The following EML5 variants were observed in gnomAD, a reference collection of about 807,000 sequenced individuals.
EML5 encodes EMAP like 5, also known as echinoderm microtubule-associated protein-like 5.
Under a neutral mutation model 250.0 loss-of-function variants are expected in EML5, and 120 were observed. The ratio of observed to expected loss-of-function variants is 0.48; its 90% confidence interval spans 0.41 to 0.56. EML5 has a LOEUF of 0.56. Ranked by LOEUF, EML5 falls within the 20% of genes least tolerant of loss-of-function variation. The pLI is 0.00. For missense variants in EML5, 2,006 were observed against 2,437.6 expected (o/e 0.82, Z 3.73); for synonymous variants, 771 against 806.5 (o/e 0.96, Z 0.75).
chr14:88,647,289 A>C (rs978111350), intron 28 of EML5, among the ~76,000 whole-genome samples: 1 of 152,036 alleles, frequency 6.6e-6, no homozygotes, highest in Non-Finnish European at 1.5e-5. Flanking sequence ...GCTTGAACCC[A>C]GGAAACGGAG....
chr14:88,726,513 A>G (rs758282629), intron 8 of EML5, 28 bp downstream of exon 8: 2 of 1,567,088 alleles, frequency 1.3e-6, no homozygotes, highest in Non-Finnish European at 1.7e-6. Flanking sequence ...AGATAAAATT[A>G]TTATGTGTTT....
intron 36 of EML5, chr14:88,622,919 GTGAA>G (rs1390291612): frequency 2.5e-6 from 1 of 404,452 alleles, no homozygotes. Flanking sequence ...TCCAGTTTCA[GTGAA>G]TTTTATTTTG....
intron 3 of EML5, among the ~76,000 whole-genome samples, chr14:88,744,363 G>T (rs2093973870): frequency 6.6e-6 from 1 of 151,788 alleles, no homozygotes. Flanking sequence ...AAAAAATTTG[G>T]TCCATAAATA....
At chr14:88,670,162 A>C (rs10438034) in intron 21 of EML5, among the ~76,000 whole-genome samples, 25,624 of 151,420 alleles carry the variant, frequency 0.17, 2,874 homozygotes, top group African/African-American at 0.31. Flanking sequence ...TAAAAAAAAA[A>C]CAAAAAAAAT....
At chr14:88,765,136 A>G (rs1350618565) in intron 1 of EML5, among the ~76,000 whole-genome samples, 1 of 148,240 alleles carries the variant, frequency 6.7e-6, no homozygotes, top group East Asian at 2.0e-4. Flanking sequence ...AATTACCATA[A>G]ATTTAGCACC....
At chr14:88,701,408 T>C (rs2093206304) in intron 14 of EML5, among the ~76,000 whole-genome samples, 1 of 152,186 alleles carries the variant, frequency 6.6e-6, no homozygotes. Context: ...GTATCACAAC[T>C]CAGAATGTGA....
At chr14:88,760,603 C>T (rs1291865492) in intron 1 of EML5, among the ~76,000 whole-genome samples, 1 of 152,116 alleles carries the variant, frequency 6.6e-6, no homozygotes, top group Non-Finnish European at 1.5e-5. Flanking sequence ...ACTGTGAGTC[C>T]TCTACCTTTG....
intron 8 of EML5, among the ~76,000 whole-genome samples, chr14:88,717,293 G>A (rs2093512643): frequency 6.6e-6 from 1 of 152,184 alleles, no homozygotes; most frequent in African/African-American, 2.4e-5. Flanking sequence ...GCTTGTGACG[G>A]CCACTGTAGT....
At chr14:88,654,412 A>AT (rs1199470326) in intron 27 of EML5, among the ~76,000 whole-genome samples, 1 of 152,126 alleles carries the variant, frequency 6.6e-6, no homozygotes, top group Non-Finnish European at 1.5e-5. Flanking sequence ...TCCTGTGGGC[A>AT]TTTAGTGCTA....
In EML5 at chr14:88,616,749, CAAAT is replaced by C; in HGVS notation, c.5769_5772del (p.Phe1924ThrfsTer21). 6.2e-7 allele frequency: 1 copy of C among 1,613,398 alleles called. No individual in the cohort carries two copies. On this transcript the variant is annotated frameshift_variant, in exon 42 of 44. Transcript: ENST00000554922. LOFTEE classifies it high-confidence loss of function. ...ACAAATTTTTCTGGACATGGGAAGT[CAAAT>C]AACTTAACCATGCCAAAGTCATCTC...
intron 40 of EML5, 28 bp downstream of exon 40, chr14:88,618,621 CA>C (rs1367794877): frequency 6.3e-7 from 1 of 1,582,922 alleles, no homozygotes; most frequent in Non-Finnish European, 8.6e-7. Context: ...AAGAACTTGC[CA>C]CCTGGGTATA....
chr14:88,787,673 T>C (rs2094564973), intron 1 of EML5, among the ~76,000 whole-genome samples: 1 of 152,228 alleles, frequency 6.6e-6, no homozygotes, highest in Admixed American at 6.5e-5. Context: ...CATAAATATT[T>C]TGATATTGCA....
chr14:88,704,923 C>T lies in EML5; in HGVS notation c.1988G>A (p.Ser663Asn). ...LKEQCKEKQK[S>N]ATSKRRERAP... Reference sequence around the variant, plus strand: ...CCGCTCTCTTCTTTTAGAAGTAGCACTTTTTTGTTTCTCTTTGCACTGTTC... The same window carrying T: ...CCGCTCTCTTCTTTTAGAAGTAGCATTTTTTTGTTTCTCTTTGCACTGTTC... Residue 663 changes from serine (S) to asparagine (N), a missense_variant, in exon 13 of 44, where the codon AGT becomes AAT. By Grantham distance (46) the Ser-to-Asn change is conservative. Transcript: ENST00000554922. The T allele has an allele frequency of 6.2e-7, 1 of 1,613,100 alleles. No individual in the cohort carries two copies. Among genetic ancestry groups the T allele is most frequent in the Middle Eastern group, 1.7e-4 (1 of 6,050 alleles).
At chr14:88,622,815 T>TTA (rs1555417183) in intron 36 of EML5, 97 bp from the exon 37 acceptor site, 39 of 742,780 alleles carry the variant, frequency 5.3e-5, no homozygotes, top group Non-Finnish European at 7.3e-5. Context: ...CTTTTTTTTT[T>TTA]AAAAAGGCCC....
Position 88,792,312 on chromosome 14 carries a change from G to T in EML5, c.192C>A (p.Ile64=). Residue 64 remains isoleucine, a synonymous_variant, in exon 1 of 44, where the codon ATC becomes ATA. Transcript: ENST00000554922. This position sits in a 1 kb window ranked among gnomAD's most constrained non-coding sequence, Gnocchi z 6.9. ...CGGCCCCCGCTCCCCGGTACCTGAT[G>T]ATGTCGTCGCTGTGGCCCCGGTAGA... ...QKFYRGHSDD[I]ISLALHPERV... 6.4e-7 allele frequency: 1 copy of T among 1,556,168 alleles called. No individual in the cohort carries two copies. Among genetic ancestry groups the T allele is most frequent in the Non-Finnish European group, 8.7e-7 (1 of 1,152,154 alleles).
chr14:88,779,180 AGGTTTTG>A (rs1180888217), intron 1 of EML5, among the ~76,000 whole-genome samples: 5 of 151,672 alleles, frequency 3.3e-5, no homozygotes, highest in African/African-American at 1.2e-4. Flanking sequence ...TAAGCAATCC[AGGTTTTG>A]GGGATATTTG....
intron 9 of EML5, among the ~76,000 whole-genome samples, chr14:88,713,847 T>G (rs1417341263): frequency 1.3e-5 from 2 of 151,396 alleles, no homozygotes; most frequent in Admixed American, 6.6e-5. Context: ...TTTGTTTTTT[T>G]TTTTTTTTTG....
At chr14:88,699,599 A>T (rs545344583) in intron 14 of EML5, among the ~76,000 whole-genome samples, 2 of 152,282 alleles carry the variant, frequency 1.3e-5, no homozygotes, top group East Asian at 3.9e-4. Flanking sequence ...ATAGAGGAAA[A>T]AAGCAGAAGA....
intron 37 of EML5, chr14:88,621,727 TTAA>T (rs1047859072): frequency 9.7e-6 from 3 of 308,404 alleles, no homozygotes; most frequent in South Asian, 3.0e-5. Context: ...ATAAATACAC[TTAA>T]TAAGTACAAA....
Sources: gnomAD v4.1 joint callset for allele counts (sites outside exome capture counted in the v4.1 genomes callset) on GRCh38, gnomAD v4.1.1 for gene constraint, Gnocchi (gnomAD v3.1) non-coding constraint, MANE v1.5 for transcripts, NCBI Gene and HGNC (gene_info 2026-07-23, HGNC 2026-07-21) for gene names.